EPHA10: variants seen among roughly 807,000 people sequenced by gnomAD.
EPHA10 encodes EPH receptor A10, also known as ephrin type-A receptor 10.
EPHA10 carries 120 observed loss-of-function variants against 109.7 expected under a neutral mutation model. The observed-to-expected ratio is 1.09, with a 90% CI of 0.94 to 1.27. The LOEUF (loss-of-function observed/expected upper bound fraction) is 1.27, where lower values mean the gene tolerates loss of function less well. Ranked by LOEUF, EPHA10 falls within the 50% of genes most tolerant of loss-of-function variation. EPHA10 has a pLI of 0.00. For synonymous variants in EPHA10, 640 were observed against 618.9 expected (o/e 1.03, Z -0.51); for missense variants, 1,396 against 1,411.1 (o/e 0.99, Z 0.17).
chr1:37,715,350 C>T (rs1247491873), downstream of EPHA10, among the ~76,000 whole-genome samples: 1 of 152,048 alleles, frequency 6.6e-6, no homozygotes, highest in Admixed American at 6.6e-5. Flanking sequence ...GTATTTAACA[C>T]CAAAACTTCA....
At chr1:37,722,834 T>C (rs2148313428) in intron 10 of EPHA10, 2 of 738,950 alleles carry the variant, frequency 2.7e-6, no homozygotes, top group South Asian at 2.9e-5. Context: ...TCACAGACCC[T>C]TCTGCCATCC....
rs190555842 is a variant in EPHA10 at position 37,718,827 on chromosome 1, G to C, written c.2757-11C>G. ...AGTGGGGTGGGAGGCCTGCGGGTCAGAGGAGCTGTGCTCAACCGACAGCTG... is the reference window on the plus strand; with the variant it reads ...AGTGGGGTGGGAGGCCTGCGGGTCACAGGAGCTGTGCTCAACCGACAGCTG... On this transcript the variant is annotated splice_polypyrimidine_tract_variant and intron_variant, in intron 15 of 16. Coordinates refer to ENST00000373048, the MANE Select transcript of EPHA10 (RefSeq NM_001099439.2). 6.2e-7 allele frequency: 1 copy of C among 1,603,114 alleles called. No homozygotes were observed. Among genetic ancestry groups the C allele is most frequent in the Admixed American group, 1.7e-5 (1 of 59,146 alleles).
At chr1:37,737,380 C>T (rs535171816) in intron 5 of EPHA10, among the ~76,000 whole-genome samples, 136 of 152,260 alleles carry the variant, frequency 8.9e-4, no homozygotes, top group Non-Finnish European at 1.6e-3. Context: ...TATTTCAAAG[C>T]TACAGTAATC....
intron 5 of EPHA10, among the ~76,000 whole-genome samples, chr1:37,748,556 ACAC>A: frequency 6.6e-6 from 1 of 152,166 alleles, no homozygotes; most frequent in Non-Finnish European, 1.5e-5. Context: ...TTGACAAAGA[ACAC>A]ATTACAAAAC....
At chr1:37,752,772 G>C in intron 5 of EPHA10, 104 bp downstream of exon 5, 1 of 697,596 alleles carries the variant, frequency 1.4e-6, no homozygotes, top group Non-Finnish European at 1.9e-6. Flanking sequence ...TGGCTTCTCT[G>C]GGGTGGGTGG....
At chr1:37,715,783 G>A (rs1321016969), downstream of EPHA10, 7 of 427,298 alleles carry the variant, frequency 1.6e-5, no homozygotes, top group East Asian at 2.0e-4. Flanking sequence ...AGTTCCCCTC[G>A]GTACCCTGGG....
rs1471846460 is a variant in EPHA10, at chr1:37,717,497, G to C, written c.*875C>G. On this transcript the variant is annotated 3_prime_UTR_variant, in exon 17 of 17. Transcript: ENST00000373048. ...GGGTTAGACCAGCCTGTTTGAGAGA[G>C]AGGACCCATCTCTGAGTCTCCTCTT... The C allele has an allele frequency of 8.6e-6, 2 of 231,902 alleles. No individual in the cohort carries two copies. Among genetic ancestry groups the C allele is most frequent in the East Asian group, 1.2e-4 (2 of 16,438 alleles). 14.4% of individuals were successfully genotyped at this position (231,902 alleles called of 1,614,324 possible).
intron 7 of EPHA10, among the ~76,000 whole-genome samples, chr1:37,730,216 C>A (rs753633964): frequency 6.6e-6 from 1 of 152,180 alleles, no homozygotes; most frequent in Non-Finnish European, 1.5e-5. Context: ...TGCATTCAGG[C>A]GAGAAGTGTG....
rs510121 is a variant in EPHA10 at position 37,717,288 on chromosome 1, C to T, written c.*1084G>A. The stretch of plus-strand genomic sequence containing the variant: ...ATGGAAGGCTGGGTAGTGCCCAAGG[C>T]ACGGAGCTGGCTGGAGGGGAGTCGC... On this transcript the variant is annotated 3_prime_UTR_variant, in exon 17 of 17. Transcript: ENST00000373048. 54,230 of 232,688 alleles carry T rather than the reference C, an allele frequency of 0.23. 6,759 individuals are homozygous for T. Among genetic ancestry groups the T allele is most frequent in the Middle Eastern group, 0.28 (219 of 788 alleles). 14.4% of individuals were successfully genotyped at this position (232,688 alleles called of 1,614,324 possible).
At chr1:37,724,992 G>C (rs545863328) in intron 8 of EPHA10, among the ~76,000 whole-genome samples, 1 of 152,324 alleles carries the variant, frequency 6.6e-6, no homozygotes, top group East Asian at 1.9e-4. Context: ...CAAAAGGGTG[G>C]GGTTCAGCCA....
At chr1:37,722,034 G>A in intron 10 of EPHA10, 189 bp from the exon 11 acceptor site, 1 of 535,380 alleles carries the variant, frequency 1.9e-6, no homozygotes, top group Non-Finnish European at 3.2e-6. Flanking sequence ...GAGAAGCTGA[G>A]GCAGGAAAAT....
At position 37,754,150 on chromosome 1, in the gene EPHA10, A is replaced by G; in HGVS notation, c.1006+65T>C. ...CCCTGCCCTCACCACCACCTGGATC[A>G]GGCCTTCCTTCTTGGCCACTCCCAC... On this transcript the variant is annotated intron_variant, in intron 4 of 16. Coordinates refer to ENST00000373048, the MANE Select transcript of EPHA10 (RefSeq NM_001099439.2). The surrounding 1 kb of genome is among the most constrained non-coding windows in gnomAD (Gnocchi z 4.5). The G allele has an allele frequency of 3.2e-6, 4 of 1,250,236 alleles. No individual in the cohort carries two copies. Among genetic ancestry groups the G allele is most frequent in the Non-Finnish European group, 4.0e-6 (4 of 989,364 alleles). The allele number at this position is 1,250,236 out of a possible 1,614,324, so 77.4% of individuals were successfully genotyped here. A position where few individuals can be genotyped will look rare whatever the true frequency, so the allele number is the denominator to read the frequency against.
rs377134113 is a variant in EPHA10 at position 37,731,405 on chromosome 1, A to G, written c.1663+6T>C. 377 of 1,596,554 alleles carry G rather than the reference A, an allele frequency of 2.4e-4. 1 individual carries two copies. Among genetic ancestry groups the G allele is most frequent in the Middle Eastern group, 1.7e-4 (1 of 5,982 alleles). On this transcript the variant is annotated splice_donor_region_variant and intron_variant, in intron 7 of 16. Transcript: ENST00000373048. ...AGGTCCCTGTCCACTCACACACACTACTTACCCTCCCCCAGGGTCTGTACT... is the reference window on the plus strand; with the variant it reads ...AGGTCCCTGTCCACTCACACACACTGCTTACCCTCCCCCAGGGTCTGTACT...
intron 5 of EPHA10, among the ~76,000 whole-genome samples, chr1:37,747,414 AGTGGT>A (rs1265671143): frequency 2.0e-5 from 3 of 152,006 alleles, no homozygotes; most frequent in Non-Finnish European, 4.4e-5. Flanking sequence ...AGCCAGGCGT[AGTGGT>A]GTGCACCTGT....
At chr1:37,746,134 CTT>C (rs1418761974) in intron 5 of EPHA10, among the ~76,000 whole-genome samples, 1 of 141,568 alleles carries the variant, frequency 7.1e-6, no homozygotes, top group African/African-American at 2.7e-5. Context: ...GAGTTTCGCT[CTT>C]GTTGCCCATG....
rs1646436516 is a variant in EPHA10, at chr1:37,761,909, G to A, written c.346C>T (p.Pro116Ser). ...QFTLRDCSSI[P>S]GAAGTCKETF... ...TCCTTGCAGGTACCCGCGGCGCCAG[G>A]GATGCTGCTGCAGTCACGGAGTGTG... The change falls in exon 3 of 17, where the codon CCT (proline) becomes TCT (serine). Residue 116 changes from proline (P) to serine (S), a missense_variant. Transcript: ENST00000373048. The A allele has an allele frequency of 6.2e-7, 1 of 1,612,586 alleles. No individual in the cohort carries two copies. The highest frequency in any genetic ancestry group is 8.5e-7 in the Non-Finnish European group (1 of 1,178,870).
chr1:37,764,954 T>A lies in EPHA10; in HGVS notation c.106+7A>T. On this transcript the variant is annotated splice_region_variant and intron_variant, in intron 1 of 16. Transcript: ENST00000373048. The surrounding 1 kb of genome is among the most constrained non-coding windows in gnomAD (Gnocchi z 5.8). ...ACGCTCCGAGCAGAGCTCACCAGTC[T>A]TCTCACCTTCCTCGGCGGTCCCAGG... 1 of 1,601,714 alleles carries A rather than the reference T, an allele frequency of 6.2e-7. No individual in the cohort carries two copies. The highest frequency in any genetic ancestry group is 8.5e-7 in the Non-Finnish European group (1 of 1,175,362).
In EPHA10 at chr1:37,761,664, T is replaced by C. The variant is rs757011544; in HGVS notation, c.591A>G (p.Ala197=). 5 of 1,609,526 alleles carry C rather than the reference T, an allele frequency of 3.1e-6. No individual in the cohort carries two copies. Among genetic ancestry groups the C allele is most frequent in the Non-Finnish European group, 2.5e-6 (3 of 1,179,816 alleles). The change falls in exon 3 of 17, where the codon GCA becomes GCG. Residue 197 remains alanine (A), a synonymous_variant. Transcript: ENST00000373048. ...CGCGCACCGAGACAAGCGCCACGCA[T>C]GCGCCCACGTCCTGAAAGGCCAGGT... ...GFHLAFQDVG[A]CVALVSVRVY...
chr1:37,732,860 GTTCTTT>G (rs1646007965), intron 6 of EPHA10, among the ~76,000 whole-genome samples: 6 of 25,818 alleles, frequency 2.3e-4, no homozygotes, highest in African/African-American at 9.1e-4. Flanking sequence ...TTTTATACTT[GTTCTTT>G]TTTTTTTTTT....
Sources: allele counts gnomAD v4.1 joint callset (sites outside exome capture counted in the v4.1 genomes callset), GRCh38; gene constraint gnomAD v4.1.1; non-coding constraint Gnocchi (gnomAD v3.1); transcripts MANE v1.5; gene names NCBI Gene and HGNC (gene_info 2026-07-23, HGNC 2026-07-21).